The following ABCB7 variants were observed in gnomAD, a reference collection of about 807,000 sequenced individuals.
ABCB7 encodes the protein iron-sulfur clusters transporter ABCB7, mitochondrial.
Under a neutral mutation model 54.4 loss-of-function variants are expected in ABCB7, and 7 were observed. That is an observed-to-expected ratio of 0.13 (90% CI 0.07 to 0.24). ABCB7 has a LOEUF of 0.24. Among genes scored for constraint, ABCB7 ranks in the 10% least tolerant of loss-of-function variants. The pLI is 1.00. For missense variants in ABCB7, 356 were observed against 570.4 expected (o/e 0.62, Z 3.83); for synonymous variants, 218 against 207.1 (o/e 1.05, Z -0.45).
At position 75,124,189 on chromosome X, in the gene ABCB7, C is replaced by CA. The variant is rs778937166; in HGVS notation, c.169-9359dup. The stretch of plus-strand genomic sequence containing the variant: ...GTAAAACAAAAGAAAGTACAACGAC[C>CA]AAAAAATCTCCACCAGCACCACCAC... On this transcript the variant is annotated intron_variant, in intron 1 of 15. Coordinates refer to ENST00000373394, the MANE Select transcript of ABCB7 (RefSeq NM_001271696.3). 3.5e-3 allele frequency among the ~76,000 whole-genome samples: 389 copies of CA among 110,992 alleles called. 1 individual carries two copies. Among genetic ancestry groups the CA allele is most frequent in the African/African-American group, 0.012 (370 of 30,518 alleles).
At chrX:75,080,072 G>A (rs762945797) in intron 4 of ABCB7, among the ~76,000 whole-genome samples, 15 of 112,077 alleles carry the variant, frequency 1.3e-4, no homozygotes, top group Non-Finnish European at 3.8e-5. Flanking sequence ...CTATTGCTAA[G>A]GATTATTCCA....
rs756918404 is a variant in ABCB7 at position 75,156,156 on chromosome X, C to A, written c.117G>T (p.Pro39=). The A allele has an allele frequency of 6.7e-5, 81 of 1,206,560 alleles. 1 individual carries two copies. The South Asian group carries it at 1.1e-3, about 17-fold the overall frequency. ...CGCCGAGTTGATGTGGCCTCCACTG[C>A]GGACCTGAGCCGCTAACAGAGACTA... is the stretch of plus-strand genomic sequence containing the variant. The part of the protein sequence containing the change: ...RPLVSVSGSG[P]QWRPHQLGAL... Residue 39 remains proline, a synonymous_variant, in exon 1 of 16, where the codon CCG becomes CCT. Coordinates refer to ENST00000373394, the MANE Select transcript of ABCB7 (RefSeq NM_001271696.3).
intron 8 of ABCB7, among the ~76,000 whole-genome samples, chrX:75,072,060 A>G (rs1239999855): frequency 8.9e-6 from 1 of 111,763 alleles, no homozygotes; most frequent in Non-Finnish European, 1.9e-5. Context: ...CTCTCGGTAC[A>G]GTATAAAATT....
intron 8 of ABCB7, among the ~76,000 whole-genome samples, chrX:75,073,054 G>C (rs1169625063): frequency 1.8e-5 from 2 of 109,647 alleles, no homozygotes; most frequent in African/African-American, 6.6e-5. Flanking sequence ...CGTTTTACTG[G>C]AAGGTCTTCA....
At chrX:75,143,859 T>C (rs1173218744) in intron 1 of ABCB7, among the ~76,000 whole-genome samples, 1 of 111,143 alleles carries the variant, frequency 9.0e-6, no homozygotes, top group East Asian at 2.8e-4. Context: ...CATGTGGGAA[T>C]TGTGGGAGTT....
chrX:75,071,170 T>G (rs1203469048), intron 9 of ABCB7, among the ~76,000 whole-genome samples: 1 of 110,350 alleles, frequency 9.1e-6, no homozygotes, highest in Non-Finnish European at 1.9e-5. Context: ...GAGTGCAGTT[T>G]AGTGCTTTGA....
At chrX:75,088,704 T>C (rs866158721) in intron 4 of ABCB7, among the ~76,000 whole-genome samples, 37 of 110,152 alleles carry the variant, frequency 3.4e-4, no homozygotes, top group African/African-American at 9.8e-4. Context: ...ATAATGGGAA[T>C]ACCATAAGGA....
At chrX:75,124,158 G>C (rs1284830374) in intron 1 of ABCB7, among the ~76,000 whole-genome samples, 1 of 111,579 alleles carries the variant, frequency 9.0e-6, no homozygotes, top group African/African-American at 3.3e-5. Context: ...TTTTGAGAAT[G>C]ACAGAGTAAA....
chrX:75,095,642 G>C (rs999736095), intron 4 of ABCB7, among the ~76,000 whole-genome samples: 1 of 112,180 alleles, frequency 8.9e-6, no homozygotes, highest in Non-Finnish European at 1.9e-5. Flanking sequence ...TGCTTTGAAA[G>C]TACTAGCAGG....
At chrX:75,097,244 T>C (rs1205672689) in intron 4 of ABCB7, among the ~76,000 whole-genome samples, 1 of 111,808 alleles carries the variant, frequency 8.9e-6, no homozygotes, top group Admixed American at 9.5e-5. Context: ...GATAGACTAC[T>C]CACTTCTGTA....
chrX:75,095,551 A>G (rs1406958394), intron 4 of ABCB7, among the ~76,000 whole-genome samples: 1 of 112,867 alleles, frequency 8.9e-6, no homozygotes, highest in Non-Finnish European at 1.9e-5. Context: ...GGAATGGTCA[A>G]ATGCTACTAC....
At position 75,112,713 on chromosome X, in the gene ABCB7, G is replaced by A. The variant is rs762830451; in HGVS notation, c.333+173C>T. ...TAGTCAATCATAAATCTTTAAGTCC[G>A]AGAAAATATCATCTATAAACTATGG... On this transcript the variant is annotated intron_variant, in intron 3 of 15. Transcript: ENST00000373394. 5.7e-5 allele frequency among the ~76,000 whole-genome samples: 6 copies of A among 104,598 alleles called. No homozygotes were observed. In the South Asian group the frequency reaches 1.8e-3, roughly 31 times the overall value. 90.8% of individuals were successfully genotyped at this position (104,598 alleles called of 115,157 possible).
chrX:75,088,040 GTAAC>G (rs1296776473), intron 4 of ABCB7, among the ~76,000 whole-genome samples: 1 of 111,764 alleles, frequency 8.9e-6, no homozygotes, highest in Non-Finnish European at 1.9e-5. Context: ...CAACCTCAAT[GTAAC>G]TAGTAGAAGT....
chrX:75,083,291 C>A (rs1303568534), intron 4 of ABCB7, among the ~76,000 whole-genome samples: 2 of 111,295 alleles, frequency 1.8e-5, no homozygotes, highest in Admixed American at 1.9e-4. Context: ...TAGTTGTGAC[C>A]TATAAAAATG....
chrX:75,119,958 A>G (rs1044435355), intron 1 of ABCB7, among the ~76,000 whole-genome samples: 2 of 111,988 alleles, frequency 1.8e-5, no homozygotes, highest in Non-Finnish European at 3.8e-5. Flanking sequence ...CAGGTGTCTG[A>G]TAACTTTGCA....
chrX:75,077,982 C>T (rs1300215588), intron 4 of ABCB7, among the ~76,000 whole-genome samples: 2 of 104,909 alleles, frequency 1.9e-5, no homozygotes, highest in African/African-American at 3.5e-5. Context: ...GGGGAAATCT[C>T]GGCTCACTGC....
intron 15 of ABCB7, among the ~76,000 whole-genome samples, chrX:75,056,685 T>A (rs751602240): frequency 1.4e-4 from 16 of 111,664 alleles, no homozygotes; most frequent in Admixed American, 1.9e-4. Context: ...ACATTTTTTT[T>A]AAATCATAAA....
intron 1 of ABCB7, among the ~76,000 whole-genome samples, chrX:75,128,673 G>A (rs945575017): frequency 1.8e-5 from 2 of 111,704 alleles, no homozygotes; most frequent in Non-Finnish European, 3.8e-5. Flanking sequence ...AAGAACAGAA[G>A]AAAATTTTTG....
intron 4 of ABCB7, among the ~76,000 whole-genome samples, chrX:75,084,361 GAAC>G (rs1484617243): frequency 9.0e-6 from 1 of 111,428 alleles, no homozygotes; most frequent in South Asian, 3.7e-4. Context: ...CTTGGTGTTG[GAAC>G]AACTGGAAAA....
Sources: gnomAD v4.1 joint callset for allele counts (sites outside exome capture counted in the v4.1 genomes callset) on GRCh38, gnomAD v4.1.1 for gene constraint, MANE v1.5 for transcripts, NCBI Gene and HGNC (gene_info 2026-07-23, HGNC 2026-07-21) for gene names.